ARHGAP10: variants seen among roughly 807,000 people sequenced by gnomAD.
ARHGAP10 encodes Rho GTPase activating protein 10, also known as rho GTPase-activating protein 10.
ARHGAP10 carries 87 observed loss-of-function variants against 108.6 expected under a neutral mutation model. The observed-to-expected ratio is 0.80, with a 90% CI of 0.67 to 0.96. The LOEUF is 0.96. Ranked by LOEUF, ARHGAP10 falls within the 40% of genes least tolerant of loss-of-function variation. The pLI, the probability that ARHGAP10 is intolerant of heterozygous loss-of-function variation, is 0.00. For missense variants in ARHGAP10, 939 were observed against 954.5 expected, an observed-to-expected ratio of 0.98 and a Z score of 0.21; for synonymous variants, 347 against 341.1, an observed-to-expected ratio of 1.02 and a Z score of -0.19.
intron 1 of ARHGAP10, among the ~76,000 whole-genome samples, chr4:147,820,992 C>T (rs1732471536): frequency 6.6e-6 from 1 of 152,116 alleles, no homozygotes; most frequent in Non-Finnish European, 1.5e-5. Context: ...CCATTTATTC[C>T]ATTGTGCGCT....
chr4:147,844,115 G>GC (rs1733535217), intron 3 of ARHGAP10, among the ~76,000 whole-genome samples: 1 of 152,122 alleles, frequency 6.6e-6, no homozygotes, highest in African/African-American at 2.4e-5. Context: ...CTTAGTGTGT[G>GC]CTCCCAGCTG....
chr4:147,733,011 A>G (rs1728284185), intron 1 of ARHGAP10, among the ~76,000 whole-genome samples: 1 of 152,066 alleles, frequency 6.6e-6, no homozygotes, highest in Admixed American at 6.5e-5. Context: ...CACGTGCCAA[A>G]CCAGAAAGTC....
rs1023695165 is a variant in ARHGAP10 at position 148,009,867 on chromosome 4, G to A, written c.1717-13396G>A. Among the ~76,000 whole-genome samples the A allele has an allele frequency of 3.9e-5, 6 of 152,114 alleles. 1 individual carries two copies. In the South Asian group the frequency reaches 1.2e-3, roughly 32 times the overall value. Reference sequence around the variant, plus strand: ...GTTTCCTTTTGGGACCTCAAGTGTTGGAAGCGTAGGTGACTTTATTCAGAA... The same window carrying A: ...GTTTCCTTTTGGGACCTCAAGTGTTAGAAGCGTAGGTGACTTTATTCAGAA... On this transcript the variant is annotated intron_variant, in intron 18 of 22. Transcript: ENST00000336498.
At chr4:147,992,799 A>G (rs982530573) in intron 18 of ARHGAP10, among the ~76,000 whole-genome samples, 12 of 152,212 alleles carry the variant, frequency 7.9e-5, no homozygotes, top group Admixed American at 1.3e-4. Context: ...GCCATCTTCA[A>G]TTCATTTAAG....
At chr4:147,975,479 C>T (rs1739558193) in intron 18 of ARHGAP10, among the ~76,000 whole-genome samples, 1 of 152,242 alleles carries the variant, frequency 6.6e-6, no homozygotes, top group South Asian at 2.1e-4. Context: ...ACAGAGATTT[C>T]ATTTCTTACA....
chr4:147,812,643 G>A (rs1374012959), intron 1 of ARHGAP10, among the ~76,000 whole-genome samples: 1 of 152,094 alleles, frequency 6.6e-6, no homozygotes, highest in Non-Finnish European at 1.5e-5. Flanking sequence ...AAGATATTTT[G>A]ATTATTCACA....
At chr4:147,814,888 G>T (rs1021364133) in intron 1 of ARHGAP10, among the ~76,000 whole-genome samples, 1 of 152,088 alleles carries the variant, frequency 6.6e-6, no homozygotes, top group African/African-American at 2.4e-5. Context: ...GGTTCTGGGG[G>T]TTTGGATTTC....
At chr4:147,862,450 ACT>A (rs1232845123) in intron 5 of ARHGAP10, 2 of 152,346 alleles carry the variant, frequency 1.3e-5, no homozygotes, top group African/African-American at 2.4e-5. Flanking sequence ...TGCCCTGATA[ACT>A]CTGTAGAAGT....
intron 18 of ARHGAP10, among the ~76,000 whole-genome samples, chr4:147,981,604 C>T (rs1257219038): frequency 2.6e-5 from 4 of 152,132 alleles, no homozygotes; most frequent in Non-Finnish European, 5.9e-5. Context: ...TTCAGAATTT[C>T]TTTGTTCATT....
At chr4:147,946,838 C>G (rs1738402876) in intron 15 of ARHGAP10, 134 bp downstream of exon 15, 5 of 580,312 alleles carry the variant, frequency 8.6e-6, no homozygotes, top group Non-Finnish European at 1.3e-5. Flanking sequence ...TATCAGGTGT[C>G]TCAGTGTCCC....
intron 20 of ARHGAP10, among the ~76,000 whole-genome samples, chr4:148,062,633 C>T (rs1486424266): frequency 2.0e-5 from 3 of 152,140 alleles, no homozygotes; most frequent in Non-Finnish European, 4.4e-5. Flanking sequence ...GAAGTTTTTG[C>T]TGTTCATTGG....
At position 148,048,011 on chromosome 4, in the gene ARHGAP10, C is replaced by T. The variant is rs193205963; in HGVS notation, c.2027+960C>T. On this transcript the variant is annotated intron_variant, in intron 20 of 22. Coordinates refer to ENST00000336498, the MANE Select transcript of ARHGAP10 (RefSeq NM_024605.4). ...CTAATTTTTATAGTTTTAGTAGAGA[C>T]GGGGTTTCACCATGTTGGCCAGGCT... Among the ~76,000 whole-genome samples, 551 of 152,014 alleles carry T rather than the reference C, an allele frequency of 3.6e-3. 3 individuals are homozygous for T. The highest frequency in any genetic ancestry group is 0.013 in the African/African-American group (521 of 41,476).
chr4:147,857,844 G>GA, intron 5 of ARHGAP10, 190 bp downstream of exon 5: 1 of 363,262 alleles, frequency 2.8e-6, no homozygotes, highest in Non-Finnish European at 4.5e-6. Context: ...ACATCTTATA[G>GA]TGATTAATGA....
At position 147,806,981 on chromosome 4, in the gene ARHGAP10, C is replaced by T. The variant is rs553994364; in HGVS notation, c.155-15746C>T. Among the ~76,000 whole-genome samples, 7 of 152,254 alleles carry T rather than the reference C, an allele frequency of 4.6e-5. No homozygotes were observed. The East Asian group carries it at 5.8e-4, about 13-fold the overall frequency. ...CCAAGTCTCTAGTAAGCGTGAAACC[C>T]GGTGAAAGGATGCTACGCCTAATTC... On this transcript the variant is annotated intron_variant, in intron 1 of 22. Transcript: ENST00000336498.
chr4:147,953,758 C>T (rs1166425658), intron 15 of ARHGAP10, among the ~76,000 whole-genome samples: 3 of 151,684 alleles, frequency 2.0e-5, no homozygotes, highest in Admixed American at 6.6e-5. Context: ...TTGATTTCTG[C>T]TTGATTTTTA....
intron 13 of ARHGAP10, among the ~76,000 whole-genome samples, chr4:147,930,706 A>G (rs1250076598): frequency 1.3e-5 from 2 of 151,786 alleles, no homozygotes; most frequent in Non-Finnish European, 2.9e-5. Flanking sequence ...CCTGTTTACC[A>G]TTTCTATTTT....
intron 7 of ARHGAP10, among the ~76,000 whole-genome samples, chr4:147,872,725 C>T (rs1458544915): frequency 6.6e-6 from 1 of 152,192 alleles, no homozygotes; most frequent in Non-Finnish European, 1.5e-5. Context: ...CAAAAATCAT[C>T]AGGAAGAGAA....
intron 7 of ARHGAP10, among the ~76,000 whole-genome samples, chr4:147,868,448 G>C (rs1158748389): frequency 6.6e-6 from 1 of 152,020 alleles, no homozygotes; most frequent in Non-Finnish European, 1.5e-5. Flanking sequence ...GTGTTGCCCA[G>C]GCTGCTCAAA....
chr4:147,983,425 T>G (rs1254595194), intron 18 of ARHGAP10, among the ~76,000 whole-genome samples: 1 of 152,016 alleles, frequency 6.6e-6, no homozygotes, highest in Non-Finnish European at 1.5e-5. Flanking sequence ...GAGCTCGTGA[T>G]CCGCCCGCCT....
Sources: gnomAD v4.1 joint callset for allele counts (sites outside exome capture counted in the v4.1 genomes callset) on GRCh38, gnomAD v4.1.1 for gene constraint, MANE v1.5 for transcripts, NCBI Gene and HGNC (gene_info 2026-07-23, HGNC 2026-07-21) for gene names.